TCERG1L: variants seen among roughly 807,000 people sequenced by gnomAD.
TCERG1L encodes transcription elongation regulator 1 like, also known as transcription elongation regulator 1-like protein.
Under a neutral mutation model 56.3 loss-of-function variants are expected in TCERG1L, and 37 were observed. The observed-to-expected ratio is 0.66, with a 90% CI of 0.51 to 0.87. The LOEUF (loss-of-function observed/expected upper bound fraction) is 0.87. TCERG1L is among the 40% of genes least tolerant of loss of function. The pLI, the probability that TCERG1L is intolerant of heterozygous loss-of-function variation, is 0.00. For missense variants in TCERG1L, 799 were observed against 774.2 expected (o/e 1.03, Z -0.38); for synonymous variants, 324 against 326.3 (o/e 0.99, Z 0.08).
At chr10:131,250,431 C>T (rs189176074) in intron 4 of TCERG1L, among the ~76,000 whole-genome samples, 20 of 90,478 alleles carry the variant, frequency 2.2e-4, no homozygotes, top group African/African-American at 1.1e-3. Context: ...CTTCTTTCCT[C>T]GGGGTTCTAA....
intron 3 of TCERG1L, among the ~76,000 whole-genome samples, chr10:131,290,280 C>T (rs574016561): frequency 1.3e-5 from 2 of 152,168 alleles, no homozygotes; most frequent in South Asian, 2.1e-4. Context: ...CATGTTCACA[C>T]GGATATACTG....
At chr10:131,168,541 G>A (rs1846055776) in intron 4 of TCERG1L, among the ~76,000 whole-genome samples, 2 of 152,224 alleles carry the variant, frequency 1.3e-5, no homozygotes, top group Non-Finnish European at 2.9e-5. Context: ...CAGCCCAGAC[G>A]TGAGCCGGAG....
intron 3 of TCERG1L, among the ~76,000 whole-genome samples, chr10:131,291,396 CATTT>C (rs1322769349): frequency 1.2e-4 from 8 of 67,698 alleles, no homozygotes; most frequent in Admixed American, 2.1e-4. Flanking sequence ...CCATAAACAG[CATTT>C]CTTTTTTTTT....
At chr10:131,121,505 C>T (rs1399455952) in intron 8 of TCERG1L, among the ~76,000 whole-genome samples, 1 of 152,258 alleles carries the variant, frequency 6.6e-6, no homozygotes, top group Non-Finnish European at 1.5e-5. Flanking sequence ...CTTATTAGCT[C>T]TGCCTCCCAA....
At position 131,158,470 on chromosome 10, in the gene TCERG1L, C is replaced by T. The variant is rs188649782; in HGVS notation, c.1034+4652G>A. On this transcript the variant is annotated intron_variant, in intron 6 of 11. Coordinates refer to ENST00000368642, the MANE Select transcript of TCERG1L (RefSeq NM_174937.4). ...ATGAAAAAGTTAACCACGAGTAAGA[C>T]TAATTTGATTTTTGTTGCACATGTG... Among the ~76,000 whole-genome samples, 12 of 152,302 alleles carry T rather than the reference C, an allele frequency of 7.9e-5. No individual in the cohort carries two copies. In the East Asian group the frequency reaches 2.3e-3, roughly 29 times the overall value.
At chr10:131,240,990 C>T (rs1469475930) in intron 4 of TCERG1L, among the ~76,000 whole-genome samples, 4 of 152,240 alleles carry the variant, frequency 2.6e-5, no homozygotes, top group African/African-American at 9.6e-5. Flanking sequence ...CCTCCTCCTT[C>T]ACCGGGAAAG....
intron 4 of TCERG1L, among the ~76,000 whole-genome samples, chr10:131,178,278 C>T (rs1845130312): frequency 1.3e-5 from 2 of 152,180 alleles, no homozygotes; most frequent in Non-Finnish European, 2.9e-5. Context: ...GAGGGGACTT[C>T]CCTGGAAACA....
At chr10:131,262,901 C>T (rs1456534055) in intron 3 of TCERG1L, among the ~76,000 whole-genome samples, 1 of 152,080 alleles carries the variant, frequency 6.6e-6, no homozygotes, top group Non-Finnish European at 1.5e-5. Context: ...TCCAGAAGGC[C>T]ATTCAGTTGG....
At chr10:131,241,661 A>G (rs1415299036) in intron 4 of TCERG1L, among the ~76,000 whole-genome samples, 3 of 152,060 alleles carry the variant, frequency 2.0e-5, no homozygotes, top group African/African-American at 7.2e-5. Flanking sequence ...AAGAGAGGAC[A>G]TGCATGAACA....
chr10:131,158,358 G>C (rs1442373330), intron 6 of TCERG1L, among the ~76,000 whole-genome samples: 3 of 152,242 alleles, frequency 2.0e-5, no homozygotes, highest in African/African-American at 4.8e-5. Flanking sequence ...CTGTACACAG[G>C]AGATGGAGGG....
chr10:131,272,341 G>A (rs1846348883), intron 3 of TCERG1L, among the ~76,000 whole-genome samples: 1 of 152,246 alleles, frequency 6.6e-6, no homozygotes, highest in South Asian at 2.1e-4. Context: ...GAGGTGGCCA[G>A]CATTTGCAAT....
chr10:131,141,287 T>A (rs1396710103), intron 7 of TCERG1L, among the ~76,000 whole-genome samples: 1 of 152,116 alleles, frequency 6.6e-6, no homozygotes, highest in Non-Finnish European at 1.5e-5. Context: ...TCCATCCCTC[T>A]CAGCTCAGAC....
chr10:131,260,449 G>A lies in TCERG1L; in HGVS notation c.671-5C>T, dbSNP rs373644232. ...TAAGGCTGTTATGGCAGCCACCTGC[G>A]GAAGAGGGATGCAGAGGGTCAGCAA... On this transcript the variant is annotated splice_polypyrimidine_tract_variant and splice_region_variant and intron_variant, in intron 3 of 11. Coordinates refer to ENST00000368642, the MANE Select transcript of TCERG1L (RefSeq NM_174937.4). The surrounding 1 kb of genome is among the most constrained non-coding windows in gnomAD (Gnocchi z 5.8). 8.1e-3 allele frequency: 11,317 copies of A among 1,400,074 alleles called. 85 individuals are homozygous for A. The highest frequency in any genetic ancestry group is 0.021 in the South Asian group (1,266 of 59,538). 86.7% of individuals were successfully genotyped at this position (1,400,074 alleles called of 1,614,324 possible).
chr10:131,163,311 C>T lies in TCERG1L; in HGVS notation c.946-101G>A, dbSNP rs1167376668. 4.1e-6 allele frequency: 4 copies of T among 980,228 alleles called. No homozygotes were observed. In the East Asian group the frequency reaches 8.1e-5, roughly 20 times the overall value. The allele number at this position is 980,228 out of a possible 1,614,324, so 60.7% of individuals were successfully genotyped here. ...AATAAACAAATCTCCTGCAGGCAGG[C>T]AGCTTATAGTAGCCACGAGATAATG... is the stretch of plus-strand genomic sequence containing the variant. On this transcript the variant is annotated intron_variant, in intron 5 of 11. Transcript: ENST00000368642.
chr10:131,150,888 T>C (rs977570369), intron 6 of TCERG1L, among the ~76,000 whole-genome samples: 7 of 152,140 alleles, frequency 4.6e-5, no homozygotes, highest in Admixed American at 1.3e-4. Flanking sequence ...AAACTTACAA[T>C]CATGGCAGAA....
chr10:131,233,201 G>A (rs889159993), intron 4 of TCERG1L, among the ~76,000 whole-genome samples: 18 of 152,148 alleles, frequency 1.2e-4, no homozygotes, highest in Admixed American at 9.8e-4. Context: ...ATCATACATC[G>A]CGAGAGACAG....
chr10:131,274,491 A>T (rs1846373295), intron 3 of TCERG1L, among the ~76,000 whole-genome samples: 1 of 152,202 alleles, frequency 6.6e-6, no homozygotes, highest in South Asian at 2.1e-4. Context: ...TCCCAGGCAC[A>T]TCCCTTTCAT....
chr10:131,267,091 G>T lies in TCERG1L; in HGVS notation c.671-6647C>A, dbSNP rs1846295524. ...CCCACTCCTTCACACCCAGGAGCCC[G>T]TCTGCCTCCTGCCACCACTCATCAT... is the stretch of plus-strand genomic sequence containing the variant. On this transcript the variant is annotated intron_variant, in intron 3 of 11. Transcript: ENST00000368642. This position sits in a 1 kb window ranked among gnomAD's most constrained non-coding sequence, Gnocchi z 4.9. Among the ~76,000 whole-genome samples, 1 of 152,080 alleles carries T rather than the reference G, an allele frequency of 6.6e-6. No individual in the cohort carries two copies. Among genetic ancestry groups the T allele is most frequent in the South Asian group, 2.1e-4 (1 of 4,824 alleles).
intron 9 of TCERG1L, among the ~76,000 whole-genome samples, chr10:131,112,916 TG>T (rs1394155296): frequency 2.1e-5 from 3 of 142,034 alleles, no homozygotes; most frequent in African/African-American, 7.4e-5. Flanking sequence ...GGGTCGCCCT[TG>T]GGGTGTTCAA....
Sources: gnomAD v4.1 joint callset for allele counts (sites outside exome capture counted in the v4.1 genomes callset) on GRCh38, gnomAD v4.1.1 for gene constraint, Gnocchi (gnomAD v3.1) non-coding constraint, MANE v1.5 for transcripts, NCBI Gene and HGNC (gene_info 2026-07-23, HGNC 2026-07-21) for gene names.